The following RNGTT variants were observed in gnomAD, a reference collection of about 807,000 sequenced individuals.
RNGTT encodes mRNA-capping enzyme.
A neutral mutation model predicts 79.3 loss-of-function variants in RNGTT; 33 were observed. The observed-to-expected ratio is 0.42, with a 90% CI of 0.32 to 0.56. RNGTT has a LOEUF of 0.56. Ranked by LOEUF, RNGTT falls within the 20% of genes least tolerant of loss-of-function variation. The probability of loss-of-function intolerance (pLI) is 0.17; values close to 1 mark genes in which losing one functional copy is unlikely to be tolerated. For synonymous variants in RNGTT, 222 were observed against 235.9 expected, an observed-to-expected ratio of 0.94 and a Z score of 0.54; for missense variants, 497 against 739.1, an observed-to-expected ratio of 0.67 and a Z score of 3.80.
intron 8 of RNGTT, among the ~76,000 whole-genome samples, chr6:88,854,631 A>T (rs1781780789): frequency 6.6e-6 from 1 of 152,188 alleles, no homozygotes. Flanking sequence ...GTACCACAAT[A>T]TCAGGTATAA....
chr6:88,866,039 T>C (rs1782154492), intron 8 of RNGTT, among the ~76,000 whole-genome samples: 1 of 152,168 alleles, frequency 6.6e-6, no homozygotes, highest in African/African-American at 2.4e-5. Context: ...CTCCACCCTC[T>C]ACAAATTTAT....
rs771648638 is a variant in RNGTT, at chr6:88,848,427, T to C, written c.1104+1328A>G. On this transcript the variant is annotated intron_variant, in intron 10 of 15. Coordinates refer to ENST00000369485, the MANE Select transcript of RNGTT (RefSeq NM_003800.5). ...GAAAAAAACATAAAATTGTTCAATA[T>C]AGTAGTAATATAAAAGCAAAAAATG... Among the ~76,000 whole-genome samples, 7 of 150,302 alleles carry C rather than the reference T, an allele frequency of 4.7e-5. No homozygotes were observed. The East Asian group carries it at 7.7e-4, about 17-fold the overall frequency.
Position 88,746,202 on chromosome 6 carries a change from G to A in RNGTT, c.1439+23572C>T, listed in dbSNP as rs143580788. Among the ~76,000 whole-genome samples, 813 of 152,278 alleles carry A rather than the reference G, an allele frequency of 5.3e-3. 5 individuals carry two copies. Among genetic ancestry groups the A allele is most frequent in the Middle Eastern group, 0.01 (3 of 292 alleles). Reference sequence around the variant, plus strand: ...GAGTGGCTTCTAGCAGACCAACTCTGATTTTCCAACATTTTCCAGCAAGTT... The same window carrying A: ...GAGTGGCTTCTAGCAGACCAACTCTAATTTTCCAACATTTTCCAGCAAGTT... On this transcript the variant is annotated intron_variant, in intron 13 of 15. Transcript: ENST00000369485.
At chr6:88,659,486 G>A (rs1774101715) in intron 14 of RNGTT, among the ~76,000 whole-genome samples, 1 of 152,024 alleles carries the variant, frequency 6.6e-6, no homozygotes, top group Non-Finnish European at 1.5e-5. Flanking sequence ...GACACACTTA[G>A]AGAAATGCAA....
At chr6:88,660,215 G>C (rs549167197) in intron 14 of RNGTT, among the ~76,000 whole-genome samples, 1 of 152,120 alleles carries the variant, frequency 6.6e-6, no homozygotes, top group South Asian at 2.1e-4. Context: ...ATCTCACAGG[G>C]CCTATAAAAC....
At chr6:88,929,391 G>T in intron 2 of RNGTT, 124 bp from the exon 3 acceptor site, 1 of 599,438 alleles carries the variant, frequency 1.7e-6, no homozygotes, top group Non-Finnish European at 2.9e-6. Flanking sequence ...TATGTACTTT[G>T]CCCCTGAACA....
chr6:88,730,269 C>T, intron 13 of RNGTT, among the ~76,000 whole-genome samples: 1 of 152,196 alleles, frequency 6.6e-6, no homozygotes. Context: ...CTGACTCATT[C>T]CCATTACCTG....
intron 13 of RNGTT, among the ~76,000 whole-genome samples, chr6:88,739,019 C>G (rs1435274247): frequency 2.0e-5 from 3 of 151,874 alleles, no homozygotes; most frequent in African/African-American, 7.3e-5. Context: ...CCAATTTATA[C>G]TTTATGTTAT....
At position 88,766,075 on chromosome 6, in the gene RNGTT, T is replaced by C. The variant is rs1778450026; in HGVS notation, c.1439+3699A>G. ...AAAATAATGGCAAATATTTAAACGT[T>C]TACCATGTACCAGGTTCTGTTCTAA... On this transcript the variant is annotated intron_variant, in intron 13 of 15. Coordinates refer to ENST00000369485, the MANE Select transcript of RNGTT (RefSeq NM_003800.5). Among the ~76,000 whole-genome samples, 2 of 152,142 alleles carry C rather than the reference T, an allele frequency of 1.3e-5. 1 individual carries two copies. Among genetic ancestry groups the C allele is most frequent in the South Asian group, 4.1e-4 (2 of 4,824 alleles).
At chr6:88,949,498 G>A (rs1785172619) in intron 1 of RNGTT, among the ~76,000 whole-genome samples, 2 of 152,060 alleles carry the variant, frequency 1.3e-5, no homozygotes, top group Admixed American at 6.5e-5. Context: ...TCCTGACCTC[G>A]TGATCCACCC....
chr6:88,678,247 T>C, intron 14 of RNGTT, 106 bp downstream of exon 14: 1 of 1,469,146 alleles, frequency 6.8e-7, no homozygotes, highest in Non-Finnish European at 9.1e-7. Flanking sequence ...CCTCCCAAAG[T>C]GCTGGAACAC....
intron 13 of RNGTT, among the ~76,000 whole-genome samples, chr6:88,723,748 A>G (rs759702532): frequency 6.6e-6 from 1 of 152,182 alleles, no homozygotes; most frequent in Non-Finnish European, 1.5e-5. Flanking sequence ...CTTTTGAGGC[A>G]GAGTCTCGCT....
At chr6:88,835,975 A>ACACAC (rs1781054402) in intron 11 of RNGTT, among the ~76,000 whole-genome samples, 14 of 113,774 alleles carry the variant, frequency 1.2e-4, no homozygotes, top group African/African-American at 2.8e-4. Context: ...CTCTATTAAA[A>ACACAC]ACACACACAC....
chr6:88,737,941 G>A (rs866365827), intron 13 of RNGTT, among the ~76,000 whole-genome samples: 17 of 152,184 alleles, frequency 1.1e-4, no homozygotes, highest in Non-Finnish European at 7.3e-5. Context: ...AAGAAGGGGA[G>A]AGTGTAACTT....
At chr6:88,791,741 A>G (rs753497939) in intron 12 of RNGTT, among the ~76,000 whole-genome samples, 32 of 151,908 alleles carry the variant, frequency 2.1e-4, no homozygotes, top group South Asian at 2.1e-4. Context: ...GGGTTTCACC[A>G]CGTTAGCCAG....
intron 11 of RNGTT, among the ~76,000 whole-genome samples, chr6:88,839,243 T>TA (rs1781183054): frequency 6.6e-6 from 1 of 151,952 alleles, no homozygotes. Context: ...AAGTTTTTTT[T>TA]AAAGAAAAAA....
chr6:88,624,685 A>G (rs1184189595), intron 14 of RNGTT, among the ~76,000 whole-genome samples: 1 of 151,956 alleles, frequency 6.6e-6, no homozygotes, highest in Non-Finnish European at 1.5e-5. Context: ...TTTCTTAGAA[A>G]TGACACCAAA....
intron 14 of RNGTT, among the ~76,000 whole-genome samples, chr6:88,654,007 T>C (rs949599405): frequency 1.3e-5 from 2 of 152,226 alleles, no homozygotes; most frequent in African/African-American, 2.4e-5. Context: ...ACAACCATTA[T>C]AGACTATCTT....
intron 12 of RNGTT, among the ~76,000 whole-genome samples, chr6:88,794,859 C>T (rs941334895): frequency 2.6e-5 from 4 of 152,172 alleles, no homozygotes; most frequent in Non-Finnish European, 5.9e-5. Context: ...AAATCAATCT[C>T]CCACAAATCC....
Sources: gnomAD v4.1 joint callset for allele counts (sites outside exome capture counted in the v4.1 genomes callset) on GRCh38, gnomAD v4.1.1 for gene constraint, MANE v1.5 for transcripts, NCBI Gene and HGNC (gene_info 2026-07-23, HGNC 2026-07-21) for gene names.